ZSWIM8: variants seen among roughly 807,000 people sequenced by gnomAD.
ZSWIM8 encodes the protein zinc finger SWIM domain-containing protein 8.
In ZSWIM8, 27 loss-of-function variants were observed where a neutral mutation model predicts 173.7. That is an observed-to-expected ratio of 0.16 (90% CI 0.11 to 0.21). The LOEUF (loss-of-function observed/expected upper bound fraction) is 0.21. ZSWIM8 is among the 10% of genes least tolerant of loss of function. ZSWIM8 has a pLI of 1.00. For synonymous variants in ZSWIM8, 958 were observed against 962.0 expected (o/e 1.00, Z 0.08); for missense variants, 1,627 against 2,428.8 (o/e 0.67, Z 6.94).
In ZSWIM8 at chr10:73,789,491, C is replaced by G; in HGVS notation, c.582C>G (p.Ala194=). 1 of 1,613,284 alleles carries G rather than the reference C, an allele frequency of 6.2e-7. No homozygotes were observed. Among genetic ancestry groups the G allele is most frequent in the Non-Finnish European group, 8.5e-7 (1 of 1,179,672 alleles). The change falls in exon 4 of 26, where the codon GCC becomes GCG. Residue 194 remains alanine (A), a synonymous_variant. Coordinates refer to ENST00000604729, the MANE Select transcript of ZSWIM8 (RefSeq NM_001367799.1). The surrounding 1 kb of genome is among the most constrained non-coding windows in gnomAD (Gnocchi z 6.8). ...TSCSCTCGAG[A]KWCTHVVALC... Reference sequence around the variant, plus strand: ...GCAGCTGTACCTGTGGGGCTGGGGCCAAATGGTGCACCCACGTCGTGGCAC... The same window carrying G: ...GCAGCTGTACCTGTGGGGCTGGGGCGAAATGGTGCACCCACGTCGTGGCAC...
chr10:73,797,841 A>G lies in ZSWIM8; in HGVS notation c.3723A>G (p.Ala1241=). The change falls in exon 19 of 26, where the codon GCA becomes GCG. Residue 1241 remains alanine (A), a synonymous_variant. Coordinates refer to ENST00000604729, the MANE Select transcript of ZSWIM8 (RefSeq NM_001367799.1). The surrounding 1 kb of genome is among the most constrained non-coding windows in gnomAD (Gnocchi z 5.6). ...ATGTACCCAATCAGCCATCAGAGGC[A>G]GCTGCACACTTCTACTTCGAGCTGG... is the stretch of plus-strand genomic sequence containing the variant. ...APHVPNQPSE[A]AAHFYFELAK... 1 of 1,613,536 alleles carries G rather than the reference A, an allele frequency of 6.2e-7. No homozygotes were observed. Among genetic ancestry groups the G allele is most frequent in the South Asian group, 1.1e-5 (1 of 91,054 alleles).
Position 73,791,780 on chromosome 10 carries a change from C to A in ZSWIM8, c.1320-79C>A. On this transcript the variant is annotated intron_variant, in intron 9 of 25. Transcript: ENST00000604729. This position sits in a 1 kb window ranked among gnomAD's most constrained non-coding sequence, Gnocchi z 6.0. ...TTTCCTGTATCCTTTCCCCATGCCTCTCTTTGGGGTGTACACCTACTCCAT... is the reference window on the plus strand; with the variant it reads ...TTTCCTGTATCCTTTCCCCATGCCTATCTTTGGGGTGTACACCTACTCCAT... The A allele has an allele frequency of 3.5e-6, 5 of 1,438,662 alleles. No homozygotes were observed. The highest frequency in any genetic ancestry group is 3.7e-6 in the Non-Finnish European group (4 of 1,087,906). The allele number at this position is 1,438,662 out of a possible 1,614,324, so 89.1% of individuals were successfully genotyped here. A position where few individuals can be genotyped will look rare whatever the true frequency, so the allele number is the denominator to read the frequency against.
chr10:73,795,310 A>G (rs748906845), intron 14 of ZSWIM8, among the ~76,000 whole-genome samples: 8 of 152,198 alleles, frequency 5.3e-5, no homozygotes, highest in Admixed American at 1.3e-4. Context: ...CCCTAAAATG[A>G]TAAGTACATG....
At chr10:73,798,619 TCTTTC>T (rs1413000644) in intron 20 of ZSWIM8, among the ~76,000 whole-genome samples, 166 bp downstream of exon 20, 3 of 152,226 alleles carry the variant, frequency 2.0e-5, no homozygotes, top group Non-Finnish European at 4.4e-5. Context: ...TTCACACCCA[TCTTTC>T]CTTTACCTTA....
In ZSWIM8 at chr10:73,785,614, A is replaced by G. The variant is rs780969303; in HGVS notation, c.-265A>G. 14 of 548,386 alleles carry G rather than the reference A, an allele frequency of 2.6e-5. No homozygotes were observed. Among genetic ancestry groups the G allele is most frequent in the Admixed American group, 7.1e-5 (3 of 42,050 alleles). The allele number at this position is 548,386 out of a possible 1,614,324, so 34.0% of individuals were successfully genotyped here. ...GGGGGAGGCGGCTCCGCAGCCGCCTAGAGGCCCCAGCCGCCGAGCGCTTCG... is the reference window on the plus strand; with the variant it reads ...GGGGGAGGCGGCTCCGCAGCCGCCTGGAGGCCCCAGCCGCCGAGCGCTTCG... On this transcript the variant is annotated 5_prime_UTR_variant, in exon 1 of 26. Coordinates refer to ENST00000604729, the MANE Select transcript of ZSWIM8 (RefSeq NM_001367799.1).
intron 1 of ZSWIM8, among the ~76,000 whole-genome samples, chr10:73,788,069 A>G (rs2083286663): frequency 6.6e-6 from 1 of 152,076 alleles, no homozygotes; most frequent in Admixed American, 6.6e-5. Context: ...AGCAGTAGCT[A>G]GGTGCCCTGC....
chr10:73,785,769 C>T lies in ZSWIM8; in HGVS notation c.-110C>T, dbSNP rs1171914850. On this transcript the variant is annotated 5_prime_UTR_variant, in exon 1 of 26. Transcript: ENST00000604729. ...ACGGCCGCCCTGAGCGCCCCGGCCA[C>T]CCCCAGCCCCGGCTCGCCCCTCAGG... 4.8e-6 allele frequency: 6 copies of T among 1,241,252 alleles called. No homozygotes were observed. In the East Asian group the frequency reaches 2.0e-4, roughly 41 times the overall value. The allele number at this position is 1,241,252 out of a possible 1,614,324, so 76.9% of individuals were successfully genotyped here.
At chr10:73,793,028 C>T (rs2083477790) in intron 10 of ZSWIM8, among the ~76,000 whole-genome samples, 176 bp downstream of exon 10, 2 of 152,212 alleles carry the variant, frequency 1.3e-5, no homozygotes, top group African/African-American at 4.8e-5. Flanking sequence ...CGAGATTTTC[C>T]TGAAATGTGA....
At position 73,801,664 on chromosome 10, in the gene ZSWIM8, C is replaced by T. The variant is rs1157579063; in HGVS notation, c.*145C>T. Reference sequence around the variant, plus strand: ...ACTGACAGCTGCTCTTGGGCTATAGCTTGGGGCCAAGATGTCTCACACCCT... The same window carrying T: ...ACTGACAGCTGCTCTTGGGCTATAGTTTGGGGCCAAGATGTCTCACACCCT... On this transcript the variant is annotated 3_prime_UTR_variant, in exon 26 of 26. Transcript: ENST00000604729. The surrounding 1 kb of genome is among the most constrained non-coding windows in gnomAD (Gnocchi z 4.9). 6.5e-7 allele frequency: 1 copy of T among 1,535,208 alleles called. No homozygotes were observed. The highest frequency in any genetic ancestry group is 8.7e-7 in the Non-Finnish European group (1 of 1,146,638).
rs1044525922 is a variant in ZSWIM8 at position 73,789,893 on chromosome 10, G to C, written c.739-63G>C. 1 of 1,588,192 alleles carries C rather than the reference G, an allele frequency of 6.3e-7. No individual in the cohort carries two copies. Among genetic ancestry groups the C allele is most frequent in the Non-Finnish European group, 8.6e-7 (1 of 1,165,546 alleles). On this transcript the variant is annotated intron_variant, in intron 5 of 25. Coordinates refer to ENST00000604729, the MANE Select transcript of ZSWIM8 (RefSeq NM_001367799.1). This position sits in a 1 kb window ranked among gnomAD's most constrained non-coding sequence, Gnocchi z 6.8. ...GGCCGCATAACAGCCTTCCTGTTAG[G>C]CCCAGGCCTCCATGGGTTCACCTAG...
chr10:73,800,827 ACCT>A lies in ZSWIM8; in HGVS notation c.5122+72_5122+74del, dbSNP rs754697411. On this transcript the variant is annotated intron_variant, in intron 24 of 25. Coordinates refer to ENST00000604729, the MANE Select transcript of ZSWIM8 (RefSeq NM_001367799.1). The surrounding 1 kb of genome is among the most constrained non-coding windows in gnomAD (Gnocchi z 4.1). The stretch of plus-strand genomic sequence containing the variant: ...GCTCTCCCCACCTTCCTTATCCCAG[ACCT>A]CCTTCCTAGCTCTTGCTCAGAGTTG... The A allele has an allele frequency of 7.4e-5, 91 of 1,234,522 alleles. No individual in the cohort carries two copies. Among genetic ancestry groups the A allele is most frequent in the Non-Finnish European group, 1.0e-4 (89 of 876,532 alleles). 76.5% of individuals were successfully genotyped at this position (1,234,522 alleles called of 1,614,324 possible).
rs1224213106 is a variant in ZSWIM8 at position 73,791,900 on chromosome 10, A to G, written c.1361A>G (p.Lys454Arg). 1.9e-6 allele frequency: 3 copies of G among 1,546,738 alleles called. No individual in the cohort carries two copies. The East Asian group carries it at 7.3e-5, about 38-fold the overall frequency. ...LCTQLRQWQL[K>R]VIENVKRGQH... is the part of the protein sequence containing the mutation. ...ACGCAGCTGCGGCAGTGGCAACTGA[A>G]GGTGATTGAGAACGTCAAGCGGGGC... The change falls in exon 10 of 26, where the codon AAG becomes AGG. Residue 454 changes from lysine (K) to arginine (R), a missense_variant. Transcript: ENST00000604729. The surrounding 1 kb of genome is among the most constrained non-coding windows in gnomAD (Gnocchi z 6.0).
In ZSWIM8 at chr10:73,793,683, C is replaced by T; in HGVS notation, c.2409C>T (p.Asn803=). Reference sequence around the variant, plus strand: ...AGCTTGCCCAGGATCTGCTAGCCAACCCACCCGACCTCAAGGTAGAGCCGC... The same window carrying T: ...AGCTTGCCCAGGATCTGCTAGCCAATCCACCCGACCTCAAGGTAGAGCCGC... ...TVELAQDLLA[N]PPDLKVEPPP... is the part of the protein sequence containing the mutation. Residue 803 remains asparagine (N), a synonymous_variant, in exon 11 of 26, where the codon AAC becomes AAT. Coordinates refer to ENST00000604729, the MANE Select transcript of ZSWIM8 (RefSeq NM_001367799.1). The T allele has an allele frequency of 6.2e-7, 1 of 1,613,560 alleles. No individual in the cohort carries two copies. Among genetic ancestry groups the T allele is most frequent in the African/African-American group, 1.3e-5 (1 of 75,006 alleles).
intron 20 of ZSWIM8, 91 bp downstream of exon 20, chr10:73,798,544 C>T (rs567533874): frequency 1.1e-5 from 13 of 1,189,670 alleles, no homozygotes; most frequent in Middle Eastern, 2.4e-4. Context: ...TCTTGATTCC[C>T]GTATCCTGGA....
chr10:73,796,505 A>G (rs2083663011), intron 15 of ZSWIM8: 3 of 510,902 alleles, frequency 5.9e-6, no homozygotes, highest in East Asian at 3.6e-5. Flanking sequence ...AGCAGAGGGC[A>G]TAAAGTCATT....
At position 73,789,458 on chromosome 10, in the gene ZSWIM8, C is replaced by G. The variant is rs767311832; in HGVS notation, c.549C>G (p.Val183=). 2.0e-5 allele frequency: 33 copies of G among 1,610,342 alleles called. No individual in the cohort carries two copies. In the Admixed American group the frequency reaches 5.5e-4, roughly 27 times the overall value. The part of the protein sequence containing the change: ...NVAVMFDRCR[V]TSCSCTCGAG... ...CTGTGATGTTTGACCGCTGCCGGGT[C>G]ACTTCCTGCAGCTGTACCTGTGGGG... is the stretch of plus-strand genomic sequence containing the variant. The change falls in exon 4 of 26, where the codon GTC becomes GTG. Residue 183 remains valine, a synonymous_variant. Transcript: ENST00000604729. The surrounding 1 kb of genome is among the most constrained non-coding windows in gnomAD (Gnocchi z 6.8).
chr10:73,799,907 T>A lies in ZSWIM8; in HGVS notation c.4666-104T>A, dbSNP rs2083851243. On this transcript the variant is annotated intron_variant, in intron 21 of 25. Transcript: ENST00000604729. ...CAGCCTGGAGGACAGAGCGAGACTCTATCTCAAAAAAAACATGTCAGGATA... is the reference window on the plus strand; with the variant it reads ...CAGCCTGGAGGACAGAGCGAGACTCAATCTCAAAAAAAACATGTCAGGATA... 8 of 1,252,256 alleles carry A rather than the reference T, an allele frequency of 6.4e-6. No individual in the cohort carries two copies. The East Asian group carries it at 1.9e-4, about 30-fold the overall frequency. The allele number at this position is 1,252,256 out of a possible 1,614,324, so 77.6% of individuals were successfully genotyped here.
intron 15 of ZSWIM8, 91 bp from the exon 16 acceptor site, chr10:73,796,683 C>A: frequency 6.5e-7 from 1 of 1,526,730 alleles, no homozygotes; most frequent in Admixed American, 1.9e-5. Context: ...TAGCAATTGG[C>A]TGTTTCAAGG....
At chr10:73,798,509 G>C (rs2083769714) in intron 20 of ZSWIM8, 56 bp downstream of exon 20, 2 of 1,526,876 alleles carry the variant, frequency 1.3e-6, no homozygotes, top group Admixed American at 1.9e-5. Flanking sequence ...AGGGAGGTTG[G>C]GCATGGGAAA....
Sources: allele counts gnomAD v4.1 joint callset (sites outside exome capture counted in the v4.1 genomes callset), GRCh38; gene constraint gnomAD v4.1.1; non-coding constraint Gnocchi (gnomAD v3.1); transcripts MANE v1.5; gene names NCBI Gene and HGNC (gene_info 2026-07-23, HGNC 2026-07-21).